FXYD5: variants seen among roughly 807,000 people sequenced by gnomAD.
The protein encoded by FXYD5 is FXYD domain-containing ion transport regulator 5.
A neutral mutation model predicts 25.7 loss-of-function variants in FXYD5; 21 were observed. The observed-to-expected ratio is 0.82, with a 90% CI of 0.58 to 1.18. The LOEUF (loss-of-function observed/expected upper bound fraction) is 1.18, where lower values mean the gene tolerates loss of function less well. Among genes scored for constraint, FXYD5 ranks in the 50% most tolerant of loss-of-function variants. FXYD5 has a pLI of 0.00. For synonymous variants in FXYD5, 101 were observed against 90.7 expected (o/e 1.11, Z -0.64); for missense variants, 229 against 227.7 (o/e 1.01, Z -0.04).
intron 5 of FXYD5, among the ~76,000 whole-genome samples, chr19:35,161,389 C>T (rs2065404627): frequency 6.6e-6 from 1 of 152,194 alleles, no homozygotes; most frequent in Admixed American, 6.5e-5. Flanking sequence ...ACTAACTTCT[C>T]CCCTCTTGAT....
chr19:35,160,458 T>A (rs552605398), intron 4 of FXYD5, among the ~76,000 whole-genome samples: 1 of 152,204 alleles, frequency 6.6e-6, no homozygotes, highest in Non-Finnish European at 1.5e-5. Context: ...CAAGCAATTC[T>A]CCCTCAGCCT....
rs1352934516 is a variant in FXYD5 at position 35,155,620 on chromosome 19, C to T, written c.61+9C>T. ...GATTCTCCCCACCAGAGGTAAGACC[C>T]ATCTCTGGCCTCCACCCTGCCCCAG... is the stretch of plus-strand genomic sequence containing the variant. On this transcript the variant is annotated intron_variant, in intron 2 of 8. Coordinates refer to ENST00000392219, the MANE Select transcript of FXYD5 (RefSeq NM_014164.6). 6.3e-7 allele frequency: 1 copy of T among 1,595,468 alleles called. No homozygotes were observed. The highest frequency in any genetic ancestry group is 1.3e-5 in the African/African-American group (1 of 74,798).
intron 8 of FXYD5, among the ~76,000 whole-genome samples, chr19:35,167,453 T>A (rs996224419): frequency 6.6e-6 from 1 of 151,994 alleles, no homozygotes; most frequent in Non-Finnish European, 1.5e-5. Context: ...CTCCCTCTCC[T>A]CCCACCCCCC....
At chr19:35,157,042 G>A (rs1205727575) in intron 2 of FXYD5, 9 of 210,886 alleles carry the variant, frequency 4.3e-5, no homozygotes, top group South Asian at 3.5e-4. Context: ...CTGTGAAGTA[G>A]ATTCAGTTAT....
chr19:35,164,823 T>C (rs1224379513), intron 6 of FXYD5, among the ~76,000 whole-genome samples: 1 of 152,196 alleles, frequency 6.6e-6, no homozygotes, highest in Non-Finnish European at 1.5e-5. Flanking sequence ...TCTGCCCTCA[T>C]GGAACTACTA....
At position 35,164,129 on chromosome 19, in the gene FXYD5, C is replaced by T. The variant is rs1226107282; in HGVS notation, c.293-27C>T. 6 of 1,613,682 alleles carry T rather than the reference C, an allele frequency of 3.7e-6. No individual in the cohort carries two copies. In the South Asian group the frequency reaches 4.4e-5, roughly 12 times the overall value. On this transcript the variant is annotated intron_variant, in intron 5 of 8. Transcript: ENST00000392219. ...TTCTGCCTCCATGGCTCACTCCTGC[C>T]CTCCACTGATCTGGCCACTCTCTCA...
intron 1 of FXYD5, chr19:35,155,255 G>A (rs1379952676): frequency 6.0e-6 from 3 of 498,254 alleles, no homozygotes; most frequent in Admixed American, 3.4e-5. Context: ...GGCGCAGGGA[G>A]GTGTTTCTCT....
At chr19:35,169,310 G>A (rs1205646821) in intron 8 of FXYD5, among the ~76,000 whole-genome samples, 1 of 152,010 alleles carries the variant, frequency 6.6e-6, no homozygotes, top group African/African-American at 2.4e-5. Context: ...TGTTCTTAGT[G>A]CCTGAATGAA....
chr19:35,166,138 C>G lies in FXYD5; in HGVS notation c.383-4C>G, dbSNP rs375656609. ...CCTGACTTGCTCTTTGTCTGCCTCTCCAGGTTTTCATGAGGATGACCCCTT... is the reference window on the plus strand; with the variant it reads ...CCTGACTTGCTCTTTGTCTGCCTCTGCAGGTTTTCATGAGGATGACCCCTT... On this transcript the variant is annotated splice_region_variant and splice_polypyrimidine_tract_variant and intron_variant, in intron 6 of 8. Transcript: ENST00000392219. 6 of 1,613,636 alleles carry G rather than the reference C, an allele frequency of 3.7e-6. No homozygotes were observed. In the African/African-American group the frequency reaches 6.7e-5, roughly 18 times the overall value.
Position 35,169,763 on chromosome 19 carries a change from G to A in FXYD5, c.*148G>A. On this transcript the variant is annotated 3_prime_UTR_variant, in exon 9 of 9. Transcript: ENST00000392219. ...GATGAAGCTGGAGCCAGGGCTGCCG[G>A]TCCGAGTCTCCTACCTCCCCCAACC... The A allele has an allele frequency of 1.5e-6, 1 of 646,292 alleles. No homozygotes were observed. The highest frequency in any genetic ancestry group is 2.8e-6 in the Non-Finnish European group (1 of 359,614). The allele number at this position is 646,292 out of a possible 1,614,324, so 40.0% of individuals were successfully genotyped here. A position where few individuals can be genotyped will look rare whatever the true frequency, so the allele number is the denominator to read the frequency against.
chr19:35,163,737 C>T (rs529069297), intron 5 of FXYD5, among the ~76,000 whole-genome samples: 1 of 152,290 alleles, frequency 6.6e-6, no homozygotes, highest in South Asian at 2.1e-4. Flanking sequence ...CCGCCTCAGT[C>T]TCCCAAAGTG....
Position 35,155,464 on chromosome 19 carries a change from A to G in FXYD5, c.1-87A>G, listed in dbSNP as rs985289217. 1.7e-5 allele frequency: 19 copies of G among 1,097,010 alleles called. No individual in the cohort carries two copies. The African/African-American group carries it at 2.6e-4, about 15-fold the overall frequency. 68.0% of individuals were successfully genotyped at this position (1,097,010 alleles called of 1,614,324 possible). ...GAAGCCAGAGGTTTTTGCTCAGGGC[A>G]GGGAAAGGGCTGCAGGATCCCCGGG... is the stretch of plus-strand genomic sequence containing the variant. On this transcript the variant is annotated intron_variant, in intron 1 of 8. Transcript: ENST00000392219.
At position 35,166,250 on chromosome 19, in the gene FXYD5, G is replaced by A; in HGVS notation, c.413-1G>A. The A allele has an allele frequency of 6.2e-7, 1 of 1,613,022 alleles. No individual in the cohort carries two copies. On this transcript the variant is annotated splice_acceptor_variant, in intron 7 of 8. Coordinates refer to ENST00000392219, the MANE Select transcript of FXYD5 (RefSeq NM_014164.6). LOFTEE classifies it high-confidence loss of function. ...CTACCCCTTCATTTTTCTCTCTGCA[G>A]ATGAACACACCCTCCGGAAACGGGG...
intron 8 of FXYD5, among the ~76,000 whole-genome samples, chr19:35,168,742 C>T (rs915555485): frequency 1.3e-5 from 2 of 152,144 alleles, no homozygotes; most frequent in Non-Finnish European, 2.9e-5. Flanking sequence ...AGGTGTCTCC[C>T]TTACGTCCTT....
intron 5 of FXYD5, among the ~76,000 whole-genome samples, chr19:35,162,445 T>A (rs73044015): frequency 0.061 from 9,307 of 152,218 alleles, 494 homozygotes; most frequent in East Asian, 0.26. Flanking sequence ...AGATGGGAAG[T>A]CCAAGATCAA....
At chr19:35,159,817 A>G in intron 4 of FXYD5, 1 of 737,038 alleles carries the variant, frequency 1.4e-6, no homozygotes, top group Middle Eastern at 3.8e-4. Flanking sequence ...TCAGGGACGC[A>G]GCTGGAATCG....
At chr19:35,155,035 C>G in intron 1 of FXYD5, 1 of 171,518 alleles carries the variant, frequency 5.8e-6, no homozygotes, top group Non-Finnish European at 1.3e-5. Flanking sequence ...CCTCTTAGGT[C>G]TCTCCAGCGC....
chr19:35,159,644 G>A (rs753513832), intron 4 of FXYD5: 1 of 1,549,412 alleles, frequency 6.5e-7, no homozygotes, highest in South Asian at 1.2e-5. Context: ...AAACGCACTT[G>A]GAATATGTAC....
rs1377344689 is a variant in FXYD5, at chr19:35,155,538, C to T, written c.1-13C>T. The T allele has an allele frequency of 1.2e-6, 2 of 1,607,546 alleles. No individual in the cohort carries two copies. Among genetic ancestry groups the T allele is most frequent in the Non-Finnish European group, 8.5e-7 (1 of 1,178,432 alleles). ...GACATCATGGCTGACCCCAGCATCG[C>T]CTGGTCCCACAGATGTCGCCCTCTG... On this transcript the variant is annotated splice_polypyrimidine_tract_variant and intron_variant, in intron 1 of 8. Transcript: ENST00000392219.
Sources: allele counts gnomAD v4.1 joint callset (sites outside exome capture counted in the v4.1 genomes callset), GRCh38; gene constraint gnomAD v4.1.1; transcripts MANE v1.5; gene names NCBI Gene and HGNC (gene_info 2026-07-23, HGNC 2026-07-21).